Variants in SSU72 observed in about 807,000 individuals in gnomAD.
SSU72 encodes RNA polymerase II subunit A C-terminal domain phosphatase SSU72.
A neutral mutation model predicts 22.7 loss-of-function variants in SSU72; 12 were observed. The observed-to-expected ratio is 0.53, with a 90% confidence interval of 0.34 to 0.86. The LOEUF is 0.86. Among genes scored for constraint, SSU72 ranks in the 40% least tolerant of loss-of-function variants. The probability of loss-of-function intolerance (pLI) is 0.02; values close to 1 mark genes in which losing one functional copy is unlikely to be tolerated. For synonymous variants in SSU72, 116 were observed against 98.3 expected (o/e 1.18, Z -1.06); for missense variants, 151 against 249.8 (o/e 0.60, Z 2.67).
At chr1:1,543,774 T>C (rs112982408) in intron 4 of SSU72, 95 bp downstream of exon 4, 14 of 748,852 alleles carry the variant, frequency 1.9e-5, no homozygotes, top group East Asian at 4.3e-5. Flanking sequence ...GGCCACCCCC[T>C]CTGTCACGGC....
Position 1,564,909 on chromosome 1 carries a change from C to G in SSU72, c.88G>C (p.Gly30Arg). 1 of 1,597,776 alleles carries G rather than the reference C, an allele frequency of 6.3e-7. No individual in the cohort carries two copies. Among genetic ancestry groups the G allele is most frequent in the Non-Finnish European group, 8.5e-7 (1 of 1,172,078 alleles). The change falls in exon 2 of 5, where the codon GGA (glycine) becomes CGA (arginine). Residue 30 changes from glycine (G) to arginine (R), a missense_variant. By Grantham distance (125) the Gly-to-Arg change is moderately radical. Transcript: ENST00000291386. ...GTTCCAAAGGATCGGACGCTGAATC[C>G]CCGTTTGCTGAAAGACAAAAGGAGA... is the stretch of plus-strand genomic sequence containing the variant. ...MEAHNILSKR[G>R]FSVRSFGTGT... is the part of the protein sequence containing the mutation.
In SSU72 at chr1:1,541,861, T is replaced by A; in HGVS notation, c.*205A>T. 1.8e-6 allele frequency: 1 copy of A among 570,212 alleles called. No individual in the cohort carries two copies. The allele number at this position is 570,212 out of a possible 1,614,324, so 35.3% of individuals were successfully genotyped here. On this transcript the variant is annotated 3_prime_UTR_variant, in exon 5 of 5. Transcript: ENST00000291386. ...AAGAAGAAAAACTTTGTAATCAATA[T>A]CCTGCTCATAAGTAAAAGTGGAAAA...
Position 1,542,040 on chromosome 1 carries a change from G to A in SSU72, c.*26C>T, listed in dbSNP as rs147913354. The A allele has an allele frequency of 5.5e-4, 849 of 1,556,890 alleles. 5 individuals carry two copies. In the African/African-American group the frequency reaches 9.8e-3, roughly 18 times the overall value. On this transcript the variant is annotated 3_prime_UTR_variant, in exon 5 of 5. Coordinates refer to ENST00000291386, the MANE Select transcript of SSU72 (RefSeq NM_014188.3). This position sits in a 1 kb window ranked among gnomAD's most constrained non-coding sequence, Gnocchi z 4.4. ...AAAGTATGAACAACAGGAAGCTCCA[G>A]AGGCGGCTCCATGCGGGCGCTGGGC...
Position 1,543,953 on chromosome 1 carries a change from A to T in SSU72, c.399T>A (p.Pro133=), listed in dbSNP as rs7533. The T allele has an allele frequency of 1.2e-6, 2 of 1,613,668 alleles. No individual in the cohort carries two copies. Among genetic ancestry groups the T allele is most frequent in the African/African-American group, 2.7e-5 (2 of 74,906 alleles). ...LNSREQETCQ[P]VHVVNVDIQD... ...GGATGTCCACATTGACCACGTGCACAGGCTGGCAGGTCTCCTGTTCTCTGG... is the reference window on the plus strand; with the variant it reads ...GGATGTCCACATTGACCACGTGCACTGGCTGGCAGGTCTCCTGTTCTCTGG... Residue 133 remains proline, a synonymous_variant, in exon 4 of 5, where the codon CCT becomes CCA. Coordinates refer to ENST00000291386, the MANE Select transcript of SSU72 (RefSeq NM_014188.3).
At chr1:1,548,071 C>CCAGGG (rs1406859749) in intron 2 of SSU72, among the ~76,000 whole-genome samples, 1 of 152,214 alleles carries the variant, frequency 6.6e-6, no homozygotes, top group Non-Finnish European at 1.5e-5. Context: ...AAGAGAGGGC[C>CCAGGG]CAGGGCAGGG....
chr1:1,553,619 CAA>C (rs59261076), intron 2 of SSU72, among the ~76,000 whole-genome samples: 6 of 100,802 alleles, frequency 6.0e-5, no homozygotes, highest in Admixed American at 1.1e-4. Flanking sequence ...ACTAAAAATA[CAA>C]AAAAAAAAAA....
At chr1:1,558,810 C>T (rs1161682003) in intron 2 of SSU72, among the ~76,000 whole-genome samples, 2 of 152,188 alleles carry the variant, frequency 1.3e-5, no homozygotes, top group African/African-American at 4.8e-5. Context: ...TCTGGGCCAG[C>T]GGCTGTTGCC....
At chr1:1,545,107 G>T (rs1642375106) in intron 2 of SSU72, 105 bp from the exon 3 acceptor site, 1 of 1,413,010 alleles carries the variant, frequency 7.1e-7, no homozygotes, top group Non-Finnish European at 9.7e-7. Context: ...CACAGCAGAG[G>T]CAGCCGGGAC....
At chr1:1,570,752 T>C (rs897311311) in intron 1 of SSU72, among the ~76,000 whole-genome samples, 4 of 152,210 alleles carry the variant, frequency 2.6e-5, no homozygotes, top group African/African-American at 7.2e-5. Flanking sequence ...CGTGAACACA[T>C]GGAGACAGAC....
rs1278058531 is a variant in SSU72, at chr1:1,542,089, G to A, written c.562C>T (p.Leu188=). Residue 188 remains leucine (L), a synonymous_variant, in exon 5 of 5, where the codon CTG becomes TTG. Coordinates refer to ENST00000291386, the MANE Select transcript of SSU72 (RefSeq NM_014188.3). The surrounding 1 kb of genome is among the most constrained non-coding windows in gnomAD (Gnocchi z 4.4). ...EFEEKSGRTF[L]HTVCFY ...GCTCAGTAGAAGCAGACGGTGTGCA[G>A]AAAGGTGCGGCCACTCTTCTCCTCG... The A allele has an allele frequency of 6.3e-7, 1 of 1,588,222 alleles. No individual in the cohort carries two copies. The highest frequency in any genetic ancestry group is 8.6e-7 in the Non-Finnish European group (1 of 1,167,432).
Position 1,542,152 on chromosome 1 carries a change from C to T in SSU72, c.499G>A (p.Asp167Asn). The change falls in exon 5 of 5, where the codon GAC (aspartate) becomes AAC (asparagine). Residue 167 changes from aspartate (D) to asparagine (N), a missense_variant. Transcript: ENST00000291386. This position sits in a 1 kb window ranked among gnomAD's most constrained non-coding sequence, Gnocchi z 4.4. ...AGCTCGTCGATCTCGTTCTCCATGT[C>T]TTCCGTGTGCTGGATCTGCAAGGAC... ...ELCQCIQHTE[D>N]MENEIDELLQ... 6.3e-7 allele frequency: 1 copy of T among 1,587,196 alleles called. No homozygotes were observed. The highest frequency in any genetic ancestry group is 8.6e-7 in the Non-Finnish European group (1 of 1,166,766).
At chr1:1,543,635 G>GGCCTCGGCCACTCCCCTCTGTCACA (rs1642352675) in intron 4 of SSU72, among the ~76,000 whole-genome samples, 1 of 151,250 alleles carries the variant, frequency 6.6e-6, no homozygotes, top group African/African-American at 2.4e-5. Flanking sequence ...CCACTGTCAC[G>GGCCTCGGCCACTCCCCTCTGTCACA]GCCTCGGCCA....
chr1:1,569,249 G>GGTTCC (rs1642700192), intron 1 of SSU72, among the ~76,000 whole-genome samples: 1 of 151,994 alleles, frequency 6.6e-6, no homozygotes, highest in African/African-American at 2.4e-5. Flanking sequence ...AAACCTAACT[G>GGTTCC]GTTCCAAGGG....
At chr1:1,561,195 CT>C (rs1196494763) in intron 2 of SSU72, 2 of 152,296 alleles carry the variant, frequency 1.3e-5, no homozygotes, top group African/African-American at 4.8e-5. Context: ...AGCAACTCTC[CT>C]GCCTCAGCCT....
chr1:1,557,072 G>A (rs1181246341), intron 2 of SSU72, among the ~76,000 whole-genome samples: 1 of 152,124 alleles, frequency 6.6e-6, no homozygotes, highest in African/African-American at 2.4e-5. Flanking sequence ...TCTGGCTTAG[G>A]AACACATTCA....
intron 1 of SSU72, among the ~76,000 whole-genome samples, chr1:1,566,092 T>C (rs1642657521): frequency 6.7e-6 from 1 of 148,582 alleles, no homozygotes; most frequent in Non-Finnish European, 1.5e-5. Flanking sequence ...CCCAGCTCCG[T>C]TTCTACTAAA....
At chr1:1,546,837 C>A (rs1225823938) in intron 2 of SSU72, among the ~76,000 whole-genome samples, 3 of 130,498 alleles carry the variant, frequency 2.3e-5, no homozygotes, top group Non-Finnish European at 4.7e-5. Flanking sequence ...AGTAAAACTC[C>A]TTCTGGAAAA....
intron 1 of SSU72, 24 bp downstream of exon 1, chr1:1,574,454 G>A (rs1051085498): frequency 6.3e-7 from 1 of 1,583,662 alleles, no homozygotes; most frequent in Admixed American, 1.7e-5. Context: ...CAGAGCGCGC[G>A]GGGACAGGGT....
chr1:1,549,549 A>G (rs1478252257), intron 2 of SSU72, among the ~76,000 whole-genome samples: 1 of 150,658 alleles, frequency 6.6e-6, no homozygotes, highest in African/African-American at 2.4e-5. Flanking sequence ...AAGAAAAAAA[A>G]AGGCTGCAGC....
Sources: allele counts gnomAD v4.1 joint callset (sites outside exome capture counted in the v4.1 genomes callset), GRCh38; gene constraint gnomAD v4.1.1; non-coding constraint Gnocchi (gnomAD v3.1); transcripts MANE v1.5; gene names NCBI Gene and HGNC (gene_info 2026-07-23, HGNC 2026-07-21).